AKAP13: variants seen among roughly 807,000 people sequenced by gnomAD.
The protein encoded by AKAP13 is A-kinase anchoring protein 13.
Under a neutral mutation model 264.5 loss-of-function variants are expected in AKAP13, and 80 were observed. That is an observed-to-expected ratio of 0.30 (90% CI 0.25 to 0.36). AKAP13 has a LOEUF of 0.36. Among genes scored for constraint, AKAP13 ranks in the 10% least tolerant of loss-of-function variants. AKAP13 has a pLI of 1.00. For synonymous variants in AKAP13, 1,380 were observed against 1,250.2 expected (o/e 1.10, Z -2.19); for missense variants, 3,712 against 3,435.2 (o/e 1.08, Z -2.01).
At chr15:85,443,589 A>G (rs2073788926) in intron 1 of AKAP13, among the ~76,000 whole-genome samples, 1 of 152,170 alleles carries the variant, frequency 6.6e-6, no homozygotes, top group Non-Finnish European at 1.5e-5. Context: ...TTGTAACACA[A>G]TGGTAAGTAT....
At chr15:85,405,249 G>A (rs922352553) in intron 1 of AKAP13, among the ~76,000 whole-genome samples, 7 of 152,084 alleles carry the variant, frequency 4.6e-5, no homozygotes, top group South Asian at 4.2e-4. Context: ...GTTTCTCTTC[G>A]TATGGTGTTA....
At chr15:85,560,231 C>G (rs923844859) in intron 5 of AKAP13, among the ~76,000 whole-genome samples, 2 of 151,374 alleles carry the variant, frequency 1.3e-5, no homozygotes, top group African/African-American at 4.9e-5. Flanking sequence ...TGTGGTGAGA[C>G]CATAGCTCAC....
intron 8 of AKAP13, among the ~76,000 whole-genome samples, chr15:85,620,799 T>A (rs780221635): frequency 2.0e-5 from 3 of 152,176 alleles, no homozygotes; most frequent in Non-Finnish European, 4.4e-5. Context: ...TCCGCATTAG[T>A]GATGTTTGGT....
Position 85,581,132 on chromosome 15 carries a change from G to T in AKAP13, c.3064G>T (p.Ala1022Ser). Residue 1022 changes from alanine to serine, a missense_variant, in exon 7 of 37, where the codon GCA (alanine) becomes TCA (serine). Around this residue, in one of 3 missense-constraint regions of AKAP13, gnomAD observed 2,759 missense variants for 2,411.7 expected, o/e 1.14. Coordinates refer to ENST00000394518, the MANE Select transcript of AKAP13 (RefSeq NM_007200.5). Reference protein sequence around the residue: ...GAAQSLVPPGASLATESRQEA... With the variant: ...GAAQSLVPPGSSLATESRQEA... Reference sequence around the variant, plus strand: ...TGCCCAGAGCCTGGTGCCACCAGGAGCAAGTCTGGCCACAGAGTCAAGGCA... The same window carrying T: ...TGCCCAGAGCCTGGTGCCACCAGGATCAAGTCTGGCCACAGAGTCAAGGCA... 6.2e-7 allele frequency: 1 copy of T among 1,614,012 alleles called. No individual in the cohort carries two copies. Among genetic ancestry groups the T allele is most frequent in the Non-Finnish European group, 8.5e-7 (1 of 1,179,922 alleles).
intron 10 of AKAP13, among the ~76,000 whole-genome samples, chr15:85,647,859 C>T (rs1242232921): frequency 1.3e-5 from 2 of 151,850 alleles, no homozygotes; most frequent in African/African-American, 4.8e-5. Flanking sequence ...ACCCGGGAGG[C>T]GGAGCTTGCA....
intron 31 of AKAP13, 38 bp downstream of exon 31, chr15:85,735,188 C>T: frequency 6.3e-7 from 1 of 1,598,442 alleles, no homozygotes; most frequent in Non-Finnish European, 8.5e-7. Flanking sequence ...ATAGGCAATC[C>T]TTGACTATCT....
Position 85,400,457 on chromosome 15 carries a change from C to G in AKAP13, c.-12+19659C>G, listed in dbSNP as rs193259524. On this transcript the variant is annotated intron_variant, in intron 1 of 36. Transcript: ENST00000394518. ...AAATTTAGTTCTGAAAGTACAAATA[C>G]GTATAATCCACATATGTTCCTCAAA... 2.3e-3 allele frequency among the ~76,000 whole-genome samples: 356 copies of G among 152,074 alleles called. 2 individuals are homozygous for G. The highest frequency in any genetic ancestry group is 8.1e-3 in the African/African-American group (337 of 41,468).
intron 1 of AKAP13, among the ~76,000 whole-genome samples, chr15:85,436,940 G>A (rs1051692097): frequency 6.6e-6 from 1 of 151,766 alleles, no homozygotes; most frequent in African/African-American, 2.4e-5. Context: ...ACATTCAAAA[G>A]CTAGCAGAAG....
chr15:85,470,815 G>A (rs901232824), intron 1 of AKAP13, among the ~76,000 whole-genome samples: 1 of 152,206 alleles, frequency 6.6e-6, no homozygotes. Flanking sequence ...TTACTTTGGA[G>A]ATGTGGGGAG....
At chr15:85,443,772 AGTGTGTGTGTGT>A (rs34514718) in intron 1 of AKAP13, among the ~76,000 whole-genome samples, 2 of 145,970 alleles carry the variant, frequency 1.4e-5, no homozygotes, top group Admixed American at 6.8e-5. Context: ...AAAAAAAAAA[AGTGTGTGTGTGT>A]GTGTGTGTGT....
intron 1 of AKAP13, among the ~76,000 whole-genome samples, chr15:85,409,921 G>A (rs968534845): frequency 6.6e-6 from 1 of 151,556 alleles, no homozygotes; most frequent in Admixed American, 6.6e-5. Context: ...GTGAGACACC[G>A]CGCCTGGCCT....
intron 17 of AKAP13, among the ~76,000 whole-genome samples, chr15:85,694,560 T>C (rs537023923): frequency 1.3e-5 from 2 of 152,386 alleles, no homozygotes; most frequent in Admixed American, 1.3e-4. Flanking sequence ...AAATTATTCT[T>C]AGCTCATGGG....
chr15:85,458,393 G>GTTTTTTTTTTTTTTTTTT (rs4037636), intron 1 of AKAP13, among the ~76,000 whole-genome samples: 6 of 120,662 alleles, frequency 5.0e-5, no homozygotes, highest in African/African-American at 1.6e-4. Flanking sequence ...TTTGTTTTTT[G>GTTTTTTTTTTTTTTTTTT]TTTTTTTTTT....
Position 85,727,279 on chromosome 15 carries a change from G to C in AKAP13, c.7004+32G>C. On this transcript the variant is annotated intron_variant, in intron 28 of 36. Coordinates refer to ENST00000394518, the MANE Select transcript of AKAP13 (RefSeq NM_007200.5). The surrounding 1 kb of genome is among the most constrained non-coding windows in gnomAD (Gnocchi z 5.3). ...TAACCACCAGGCCCCACCCTTCCCA[G>C]CCCTCCTGATGTCTCTGTGTGATTT... 1 of 1,613,218 alleles carries C rather than the reference G, an allele frequency of 6.2e-7. No individual in the cohort carries two copies. Among genetic ancestry groups the C allele is most frequent in the Non-Finnish European group, 8.5e-7 (1 of 1,179,450 alleles).
chr15:85,438,590 A>T (rs1297914860), intron 1 of AKAP13, among the ~76,000 whole-genome samples: 5 of 146,666 alleles, frequency 3.4e-5, no homozygotes, highest in Admixed American at 3.4e-4. Context: ...ACAGTAACCA[A>T]AACAGCATGG....
intron 1 of AKAP13, among the ~76,000 whole-genome samples, chr15:85,444,553 T>C (rs2073833662): frequency 6.6e-6 from 1 of 152,174 alleles, no homozygotes; most frequent in Admixed American, 6.6e-5. Context: ...CAGATGTCTT[T>C]TCCCTTTTCA....
intron 20 of AKAP13, 60 bp downstream of exon 20, chr15:85,715,983 C>T: frequency 2.7e-6 from 4 of 1,489,776 alleles, no homozygotes; most frequent in Non-Finnish European, 2.7e-6. Context: ...GCATAATAAT[C>T]ACATCATATG....
At chr15:85,662,934 A>C (rs1391337345) in intron 12 of AKAP13, among the ~76,000 whole-genome samples, 2 of 152,204 alleles carry the variant, frequency 1.3e-5, no homozygotes, top group African/African-American at 4.8e-5. Flanking sequence ...TAAGTTTTGC[A>C]GTAAGCATAG....
At chr15:85,666,726 T>A (rs2083624773) in intron 13 of AKAP13, among the ~76,000 whole-genome samples, 1 of 152,124 alleles carries the variant, frequency 6.6e-6, no homozygotes, top group Non-Finnish European at 1.5e-5. Flanking sequence ...TGCCTTCTCT[T>A]TATCACCATC....
Sources: allele counts gnomAD v4.1 joint callset (sites outside exome capture counted in the v4.1 genomes callset), GRCh38; gene constraint gnomAD v4.1.1; regional missense constraint gnomAD v4.1.1; non-coding constraint Gnocchi (gnomAD v3.1); transcripts MANE v1.5; gene names NCBI Gene and HGNC (gene_info 2026-07-23, HGNC 2026-07-21).